The following CYS1 variants were observed in gnomAD, a reference collection of about 807,000 sequenced individuals.
The protein encoded by CYS1 is cystin-1.
CYS1 carries 5 observed loss-of-function variants against 9.6 expected under a neutral mutation model. The ratio of observed to expected loss-of-function variants is 0.52; its 90% CI spans 0.27 to 1.10. The LOEUF (loss-of-function observed/expected upper bound fraction) is 1.10. Ranked by LOEUF, CYS1 falls within the 50% of genes least tolerant of loss-of-function variation. CYS1 has a pLI of 0.11. For synonymous variants in CYS1, 88 were observed against 95.7 expected (o/e 0.92, Z 0.47); for missense variants, 221 against 207.9 (o/e 1.06, Z -0.39).
chr2:10,066,087 G>T, intron 1 of CYS1, 131 bp from the exon 2 acceptor site: 3 of 994,678 alleles, frequency 3.0e-6, no homozygotes, highest in Non-Finnish European at 3.1e-6. Context: ...GAGCGGAAAG[G>T]CTCTCGAGCT....
chr2:10,060,314 G>C (rs554947246), intron 2 of CYS1, among the ~76,000 whole-genome samples: 1 of 152,336 alleles, frequency 6.6e-6, no homozygotes, highest in South Asian at 2.1e-4. Context: ...CTGCGAGCTT[G>C]GGGGGCTGGG....
intron 1 of CYS1, among the ~76,000 whole-genome samples, chr2:10,077,265 T>G (rs1661856936): frequency 6.6e-6 from 1 of 152,066 alleles, no homozygotes; most frequent in South Asian, 2.1e-4. Flanking sequence ...CACTCCCCCT[T>G]TCTTCACTCC....
chr2:10,072,989 G>A (rs1460706591), intron 1 of CYS1, among the ~76,000 whole-genome samples: 2 of 151,354 alleles, frequency 1.3e-5, no homozygotes, highest in Admixed American at 1.3e-4. Context: ...GAGCAGATGT[G>A]TGGGAGCAGT....
rs1434671867 is a variant in CYS1, at chr2:10,079,807, G to C, written c.318+99C>G. On this transcript the variant is annotated intron_variant, in intron 1 of 2. Coordinates refer to ENST00000381813, the MANE Select transcript of CYS1 (RefSeq NM_001037160.3). ...GAGCACGCAAGTCGGAGGCTGGAAG[G>C]GGGCGCAGCGCGACCGGCGCCCAGG... 3 of 758,500 alleles carry C rather than the reference G, an allele frequency of 4.0e-6. No individual in the cohort carries two copies. The East Asian group carries it at 2.4e-4, about 61-fold the overall frequency. The allele number at this position is 758,500 out of a possible 1,614,324, so 47.0% of individuals were successfully genotyped here.
chr2:10,059,422 C>A (rs538722642), intron 2 of CYS1, among the ~76,000 whole-genome samples: 1 of 152,244 alleles, frequency 6.6e-6, no homozygotes, highest in African/African-American at 2.4e-5. Flanking sequence ...CACGGCCAGG[C>A]GCAGTGGCTC....
chr2:10,075,390 G>T (rs531670181), intron 1 of CYS1, among the ~76,000 whole-genome samples: 1 of 152,176 alleles, frequency 6.6e-6, no homozygotes, highest in Non-Finnish European at 1.5e-5. Context: ...AGCTTTTTGG[G>T]GGTCCGCACC....
chr2:10,080,344 G>T lies in CYS1; in HGVS notation c.-121C>A. On this transcript the variant is annotated 5_prime_UTR_variant, in exon 1 of 3. Coordinates refer to ENST00000381813, the MANE Select transcript of CYS1 (RefSeq NM_001037160.3). The surrounding 1 kb of genome is among the most constrained non-coding windows in gnomAD (Gnocchi z 6.4). ...AGGGGGAGGCGCGGGGCGAGGTCCG[G>T]GAAGCGACCGCGGCCAGGGGCTAGG... 5.4e-6 allele frequency: 3 copies of T among 558,344 alleles called. No individual in the cohort carries two copies. The highest frequency in any genetic ancestry group is 4.6e-6 in the Non-Finnish European group (2 of 437,588). 34.6% of individuals were successfully genotyped at this position (558,344 alleles called of 1,614,324 possible).
At chr2:10,079,017 G>A (rs555446830) in intron 1 of CYS1, among the ~76,000 whole-genome samples, 1 of 152,192 alleles carries the variant, frequency 6.6e-6, no homozygotes, top group Non-Finnish European at 1.5e-5. Flanking sequence ...ACTGCAGGCT[G>A]ATGTGGTATT....
chr2:10,071,212 C>T (rs113094194), intron 1 of CYS1, among the ~76,000 whole-genome samples: 203 of 152,282 alleles, frequency 1.3e-3, no homozygotes, highest in African/African-American at 4.3e-3. Flanking sequence ...GGCCGTCCAC[C>T]GGCCTCGGCC....
chr2:10,059,804 A>G (rs1661602554), intron 2 of CYS1, among the ~76,000 whole-genome samples: 1 of 152,342 alleles, frequency 6.6e-6, no homozygotes, highest in South Asian at 2.1e-4. Context: ...ATTGTGGGGA[A>G]CCACACGTTC....
intron 1 of CYS1, among the ~76,000 whole-genome samples, chr2:10,069,393 G>A (rs770097397): frequency 6.6e-6 from 1 of 151,808 alleles, no homozygotes; most frequent in Non-Finnish European, 1.5e-5. Flanking sequence ...TTTTTGCGAC[G>A]GAATCTTGCT....
At chr2:10,062,844 A>C (rs1661645918) in intron 2 of CYS1, among the ~76,000 whole-genome samples, 1 of 152,216 alleles carries the variant, frequency 6.6e-6, no homozygotes, top group Non-Finnish European at 1.5e-5. Flanking sequence ...CCTGGCTTAC[A>C]GTGGGTACTC....
At chr2:10,072,979 G>A (rs1246643119) in intron 1 of CYS1, among the ~76,000 whole-genome samples, 2 of 151,420 alleles carry the variant, frequency 1.3e-5, no homozygotes, top group Non-Finnish European at 2.9e-5. Flanking sequence ...TGTGGGAGCA[G>A]AGCAGATGTG....
intron 1 of CYS1, among the ~76,000 whole-genome samples, chr2:10,068,798 G>C (rs1454697205): frequency 6.6e-6 from 1 of 152,158 alleles, no homozygotes; most frequent in African/African-American, 2.4e-5. Context: ...AACCAGCTAG[G>C]CGTGGTGGCT....
intron 1 of CYS1, among the ~76,000 whole-genome samples, chr2:10,069,664 G>C (rs1661739585): frequency 6.6e-6 from 1 of 152,146 alleles, no homozygotes; most frequent in South Asian, 2.1e-4. Flanking sequence ...ACTGCGCCTG[G>C]CCGAAAAAAA....
In CYS1 at chr2:10,057,396, A is replaced by C. The variant is rs1474629203; in HGVS notation, c.*1457T>G. On this transcript the variant is annotated 3_prime_UTR_variant, in exon 3 of 3. Coordinates refer to ENST00000381813, the MANE Select transcript of CYS1 (RefSeq NM_001037160.3). ...AAAGGCACTCTCAAAAGTTCAAGGA[A>C]ATGCCCGTTTGCGGATGGCCGCAGC... The C allele has an allele frequency of 1.3e-5, 2 of 152,244 alleles. No individual in the cohort carries two copies. Among genetic ancestry groups the C allele is most frequent in the Non-Finnish European group, 2.9e-5 (2 of 68,052 alleles). The allele number at this position is 152,244 out of a possible 1,614,324, so 9.4% of individuals were successfully genotyped here.
chr2:10,061,373 G>A (rs1661624200), intron 2 of CYS1, among the ~76,000 whole-genome samples: 1 of 152,206 alleles, frequency 6.6e-6, no homozygotes, highest in African/African-American at 2.4e-5. Context: ...CCTGAGGATT[G>A]TTGGGAAGAA....
At chr2:10,069,576 C>T (rs1661738349) in intron 1 of CYS1, among the ~76,000 whole-genome samples, 1 of 152,066 alleles carries the variant, frequency 6.6e-6, no homozygotes, top group Non-Finnish European at 1.5e-5. Flanking sequence ...ACCATGTTGG[C>T]CAGGATGGTC....
At chr2:10,067,842 T>C (rs1661716879) in intron 1 of CYS1, among the ~76,000 whole-genome samples, 1 of 152,238 alleles carries the variant, frequency 6.6e-6, no homozygotes, top group African/African-American at 2.4e-5. Flanking sequence ...GATTTTTCCC[T>C]TTCTGGTCCT....
Sources: allele counts gnomAD v4.1 joint callset (sites outside exome capture counted in the v4.1 genomes callset), GRCh38; gene constraint gnomAD v4.1.1; non-coding constraint Gnocchi (gnomAD v3.1); transcripts MANE v1.5; gene names NCBI Gene and HGNC (gene_info 2026-07-23, HGNC 2026-07-21).